GRM7: variants seen among roughly 807,000 people sequenced by gnomAD.
GRM7 encodes the protein glutamate metabotropic receptor 7.
GRM7 carries 35 observed loss-of-function variants against 84.5 expected under a neutral mutation model. The observed-to-expected ratio is 0.41, with a 90% CI of 0.32 to 0.55. GRM7 has a LOEUF of 0.55. Ranked by LOEUF, GRM7 falls within the 20% of genes least tolerant of loss-of-function variation. The pLI is 0.19. For synonymous variants in GRM7, 487 were observed against 455.1 expected (o/e 1.07, Z -0.89); for missense variants, 1,003 against 1,194.6 (o/e 0.84, Z 2.36).
chr3:6,921,285 C>G (rs891247926), intron 1 of GRM7, among the ~76,000 whole-genome samples: 5 of 152,158 alleles, frequency 3.3e-5, no homozygotes, highest in African/African-American at 9.7e-5. Flanking sequence ...GGGTAGGTGA[C>G]AGCTAATGAT....
chr3:7,384,951 G>A (rs545820173), intron 4 of GRM7, among the ~76,000 whole-genome samples: 1 of 152,262 alleles, frequency 6.6e-6, no homozygotes, highest in African/African-American at 2.4e-5. Flanking sequence ...AACAATAGAT[G>A]TAATACTGGA....
At chr3:7,342,688 TG>T (rs1281198071) in intron 4 of GRM7, among the ~76,000 whole-genome samples, 1 of 152,200 alleles carries the variant, frequency 6.6e-6, no homozygotes, top group Non-Finnish European at 1.5e-5. Flanking sequence ...ATATCTGGTC[TG>T]GGGTCATGGA....
At chr3:7,187,200 A>AAC (rs5846494) in intron 2 of GRM7, among the ~76,000 whole-genome samples, 6,575 of 150,624 alleles carry the variant, frequency 0.044, 148 homozygotes, top group African/African-American at 0.069. Flanking sequence ...AGGAAGTGAG[A>AAC]ACACACACAC....
intron 1 of GRM7, among the ~76,000 whole-genome samples, chr3:6,977,645 A>G (rs536228326): frequency 6.6e-6 from 1 of 152,282 alleles, no homozygotes; most frequent in East Asian, 1.9e-4. Flanking sequence ...TCTAAGTTGT[A>G]TCCCTTATAA....
At chr3:7,725,484 C>T (rs1702090447) in intron 9 of GRM7, among the ~76,000 whole-genome samples, 2 of 152,110 alleles carry the variant, frequency 1.3e-5, no homozygotes, top group African/African-American at 2.4e-5. Context: ...TAAATCAACT[C>T]CTGAGACATC....
rs566859272 is a variant in GRM7, at chr3:7,305,436, C to T, written c.879-1062C>T. On this transcript the variant is annotated intron_variant, in intron 3 of 9. Coordinates refer to ENST00000357716, the MANE Select transcript of GRM7 (RefSeq NM_000844.4). ...TATGTATACATGTGCCATGCTGGTG[C>T]GCTGCACCCACTAACGTGTCATCTA... Among the ~76,000 whole-genome samples the T allele has an allele frequency of 1.6e-3, 103 of 63,884 alleles. 11 individuals carry two copies. Among genetic ancestry groups the T allele is most frequent in the African/African-American group, 4.1e-3 (102 of 24,904 alleles). The allele number at this position is 63,884 out of a possible 152,430, so 41.9% of individuals were successfully genotyped here. A position where few individuals can be genotyped will look rare whatever the true frequency, so the allele number is the denominator to read the frequency against.
chr3:7,210,991 T>C (rs1254730698), intron 2 of GRM7, among the ~76,000 whole-genome samples: 1 of 152,164 alleles, frequency 6.6e-6, no homozygotes, highest in Non-Finnish European at 1.5e-5. Flanking sequence ...TAGGAAGTAA[T>C]ATTATCCACC....
chr3:7,686,240 G>T, intron 9 of GRM7: 1 of 559,050 alleles, frequency 1.8e-6, no homozygotes, highest in East Asian at 2.9e-5. Context: ...AAAAGAGTGG[G>T]CATGATGTGT....
At chr3:7,508,978 T>G (rs907288389) in intron 7 of GRM7, among the ~76,000 whole-genome samples, 2 of 152,152 alleles carry the variant, frequency 1.3e-5, no homozygotes, top group African/African-American at 4.8e-5. Context: ...TTTTCAAAGT[T>G]TCAATGACCC....
chr3:7,004,162 G>A (rs570982451), intron 1 of GRM7, among the ~76,000 whole-genome samples: 5 of 152,242 alleles, frequency 3.3e-5, no homozygotes, highest in Admixed American at 6.5e-5. Context: ...GCAATATCTC[G>A]TGATTATACA....
intron 8 of GRM7, among the ~76,000 whole-genome samples, chr3:7,594,632 C>A (rs2125065836): frequency 6.6e-6 from 1 of 152,244 alleles, no homozygotes; most frequent in Non-Finnish European, 1.5e-5. Flanking sequence ...TCCCGACAGG[C>A]CTCCGCAGTA....
At chr3:7,102,870 T>G (rs1699162394) in intron 1 of GRM7, among the ~76,000 whole-genome samples, 1 of 151,802 alleles carries the variant, frequency 6.6e-6, no homozygotes, top group Non-Finnish European at 1.5e-5. Context: ...TGGTTTTGTT[T>G]TGTTTTCAGT....
chr3:6,985,662 T>G (rs1050646716), intron 1 of GRM7, among the ~76,000 whole-genome samples: 2 of 152,182 alleles, frequency 1.3e-5, no homozygotes, highest in African/African-American at 2.4e-5. Flanking sequence ...ATCCATATTT[T>G]CCAACTAAGC....
intron 8 of GRM7, among the ~76,000 whole-genome samples, chr3:7,616,904 G>A (rs1450685633): frequency 3.3e-5 from 5 of 152,090 alleles, no homozygotes; most frequent in Non-Finnish European, 5.9e-5. Flanking sequence ...TTAATACGTA[G>A]ATTCAATGTA....
intron 1 of GRM7, among the ~76,000 whole-genome samples, chr3:6,921,213 C>T (rs2125031390): frequency 6.6e-6 from 1 of 152,310 alleles, no homozygotes; most frequent in East Asian, 1.9e-4. Context: ...GGCTTGGGAG[C>T]ATGCCCAATG....
chr3:7,027,942 T>G (rs548709127), intron 1 of GRM7, among the ~76,000 whole-genome samples: 200 of 152,312 alleles, frequency 1.3e-3, no homozygotes, highest in Non-Finnish European at 2.5e-3. Flanking sequence ...CGCCAGGTAC[T>G]TAGCCTCAAA....
At chr3:7,563,000 T>C (rs1431884548) in intron 7 of GRM7, among the ~76,000 whole-genome samples, 2 of 152,224 alleles carry the variant, frequency 1.3e-5, no homozygotes, top group East Asian at 1.9e-4. Context: ...CTTATAAAAA[T>C]AGAAAGTAGG....
intron 9 of GRM7, among the ~76,000 whole-genome samples, chr3:7,711,047 T>G (rs1701560039): frequency 6.6e-6 from 1 of 152,198 alleles, no homozygotes; most frequent in Non-Finnish European, 1.5e-5. Flanking sequence ...GGTTGCTCTG[T>G]TTCATTTATT....
intron 8 of GRM7, among the ~76,000 whole-genome samples, chr3:7,615,846 TTGA>T (rs974250530): frequency 6.6e-6 from 1 of 152,116 alleles, no homozygotes; most frequent in Non-Finnish European, 1.5e-5. Flanking sequence ...CCTCAATGCC[TTGA>T]AGAAGGTTTT....
Sources: gnomAD v4.1 joint callset for allele counts (sites outside exome capture counted in the v4.1 genomes callset) on GRCh38, gnomAD v4.1.1 for gene constraint, MANE v1.5 for transcripts, NCBI Gene and HGNC (gene_info 2026-07-23, HGNC 2026-07-21) for gene names.